Variants in IMMP2L observed in about 807,000 individuals in gnomAD.
IMMP2L encodes inner mitochondrial membrane peptidase subunit 2.
A neutral mutation model predicts 19.3 loss-of-function variants in IMMP2L; 18 were observed. The ratio of observed to expected loss-of-function variants is 0.93; its 90% CI spans 0.64 to 1.38. The LOEUF is 1.38. Ranked by LOEUF, IMMP2L falls within the 40% of genes most tolerant of loss-of-function variation. The pLI is 0.00. For missense variants in IMMP2L, 233 were observed against 218.2 expected (o/e 1.07, Z -0.43); for synonymous variants, 76 against 73.0 (o/e 1.04, Z -0.21).
At chr7:110,739,476 C>A (rs754740641) in intron 5 of IMMP2L, among the ~76,000 whole-genome samples, 2 of 152,048 alleles carry the variant, frequency 1.3e-5, no homozygotes, top group Admixed American at 6.6e-5. Context: ...AAGGACATTA[C>A]ATAATGATAA....
chr7:111,482,705 C>G (rs1842296880), intron 3 of IMMP2L, among the ~76,000 whole-genome samples: 1 of 152,134 alleles, frequency 6.6e-6, no homozygotes, highest in Admixed American at 6.5e-5. Context: ...GTATCCACCT[C>G]CCCAGCTGGC....
intron 3 of IMMP2L, among the ~76,000 whole-genome samples, chr7:110,983,285 G>A (rs1225334265): frequency 6.6e-6 from 1 of 151,904 alleles, no homozygotes; most frequent in Non-Finnish European, 1.5e-5. Context: ...AATTTTCAAG[G>A]TAACATGGAT....
At chr7:110,707,009 T>TTTG (rs1554399174) in intron 5 of IMMP2L, among the ~76,000 whole-genome samples, 1 of 141,014 alleles carries the variant, frequency 7.1e-6, no homozygotes, top group Non-Finnish European at 1.5e-5. Flanking sequence ...TTTTAATTTT[T>TTTG]TTTTTTTTAT....
chr7:110,739,153 G>C (rs146364213), intron 5 of IMMP2L, among the ~76,000 whole-genome samples: 81 of 152,028 alleles, frequency 5.3e-4, no homozygotes, highest in Non-Finnish European at 1.0e-3. Flanking sequence ...ATAAGACAAT[G>C]AAAAATATCA....
chr7:111,380,673 T>C (rs929138604), intron 3 of IMMP2L, among the ~76,000 whole-genome samples: 9 of 152,030 alleles, frequency 5.9e-5, no homozygotes, highest in Admixed American at 2.0e-4. Flanking sequence ...TGTCCAGCTA[T>C]TGAATATTTT....
chr7:110,751,281 G>T (rs1038100763), intron 5 of IMMP2L, among the ~76,000 whole-genome samples: 6 of 151,674 alleles, frequency 4.0e-5, no homozygotes, highest in Admixed American at 4.0e-4. Flanking sequence ...TAGACGGTTA[G>T]AACCAGAAAA....
chr7:111,162,703 G>T (rs1027978802), intron 3 of IMMP2L, among the ~76,000 whole-genome samples: 1 of 151,514 alleles, frequency 6.6e-6, no homozygotes, highest in Admixed American at 6.6e-5. Flanking sequence ...CAGCTAGAAG[G>T]TATGCTCTTG....
intron 5 of IMMP2L, among the ~76,000 whole-genome samples, chr7:110,669,236 C>T (rs546833367): frequency 2.6e-5 from 4 of 152,094 alleles, no homozygotes; most frequent in South Asian, 4.2e-4. Context: ...AGTTGCAGTT[C>T]GTTGCAGTTC....
chr7:111,506,039 G>C (rs114157127), intron 2 of IMMP2L, among the ~76,000 whole-genome samples: 1 of 151,692 alleles, frequency 6.6e-6, no homozygotes, highest in African/African-American at 2.4e-5. Flanking sequence ...CTTGGGAGGC[G>C]GGAGGATGGC....
intron 3 of IMMP2L, among the ~76,000 whole-genome samples, chr7:111,225,796 CAA>C (rs1261611819): frequency 6.6e-6 from 1 of 151,260 alleles, no homozygotes; most frequent in African/African-American, 2.4e-5. Context: ...GTGCACATTA[CAA>C]TACATATTCT....
At chr7:110,802,706 C>T (rs1055942545) in intron 5 of IMMP2L, among the ~76,000 whole-genome samples, 1 of 152,010 alleles carries the variant, frequency 6.6e-6, no homozygotes, top group Admixed American at 6.6e-5. Flanking sequence ...TGAACATCTG[C>T]TCTCTTTAAA....
chr7:111,006,070 T>C (rs1487827523), intron 3 of IMMP2L, among the ~76,000 whole-genome samples: 1 of 152,106 alleles, frequency 6.6e-6, no homozygotes. Context: ...CTCATCTGAG[T>C]CTGAGCCTAG....
intron 1 of IMMP2L, 26 bp from the exon 2 acceptor site, chr7:111,521,475 G>C: frequency 6.4e-7 from 1 of 1,569,734 alleles, no homozygotes; most frequent in Non-Finnish European, 8.6e-7. Context: ...AAACAACTAT[G>C]AAATTAGTCT....
At chr7:111,391,860 C>A (rs773113691) in intron 3 of IMMP2L, 2 of 702,680 alleles carry the variant, frequency 2.8e-6, no homozygotes, top group South Asian at 3.0e-5. Flanking sequence ...TGCCTCCACT[C>A]TCCAGATGGG....
intron 5 of IMMP2L, among the ~76,000 whole-genome samples, chr7:110,826,008 C>T (rs528163221): frequency 6.6e-6 from 1 of 152,158 alleles, no homozygotes; most frequent in East Asian, 1.9e-4. Flanking sequence ...ACAAACAACC[C>T]CATCAAAAAG....
In IMMP2L at chr7:110,679,464, A is replaced by G. The variant is rs144996736; in HGVS notation, c.409-15743T>C. Among the ~76,000 whole-genome samples, 52 of 152,174 alleles carry G rather than the reference A, an allele frequency of 3.4e-4. No individual in the cohort carries two copies. The East Asian group carries it at 6.4e-3, about 19-fold the overall frequency. ...ACATGTTATTTTTATGTTGGAGATA[A>G]AACAGTTCATATATATACATGAGTG... On this transcript the variant is annotated intron_variant, in intron 5 of 5. Transcript: ENST00000405709.
At chr7:111,234,306 G>A (rs1046370592) in intron 3 of IMMP2L, among the ~76,000 whole-genome samples, 1 of 152,056 alleles carries the variant, frequency 6.6e-6, no homozygotes, top group African/African-American at 2.4e-5. Context: ...ACAGATGCCA[G>A]TTACACCAGA....
intron 4 of IMMP2L, among the ~76,000 whole-genome samples, chr7:110,915,733 CTT>C (rs1478423532): frequency 6.6e-6 from 1 of 152,046 alleles, no homozygotes. Context: ...ACACTGTACA[CTT>C]TGAATGTACA....
At chr7:111,542,717 A>C (rs1437483019) in intron 1 of IMMP2L, among the ~76,000 whole-genome samples, 1 of 152,192 alleles carries the variant, frequency 6.6e-6, no homozygotes, top group Non-Finnish European at 1.5e-5. Flanking sequence ...CCACTATGTA[A>C]AAGGTAAATG....
Sources: gnomAD v4.1 joint callset for allele counts (sites outside exome capture counted in the v4.1 genomes callset) on GRCh38, gnomAD v4.1.1 for gene constraint, MANE v1.5 for transcripts, NCBI Gene and HGNC (gene_info 2026-07-23, HGNC 2026-07-21) for gene names.